ITGA9: variants seen among roughly 807,000 people sequenced by gnomAD.
ITGA9 encodes integrin alpha-9.
A neutral mutation model predicts 127.8 loss-of-function variants in ITGA9; 56 were observed. The ratio of observed to expected loss-of-function variants is 0.44; its 90% CI spans 0.35 to 0.55. The LOEUF is 0.55. Among genes scored for constraint, ITGA9 ranks in the 20% least tolerant of loss-of-function variants. The pLI is 0.00. For synonymous variants in ITGA9, 508 were observed against 514.5 expected (o/e 0.99, Z 0.17); for missense variants, 1,196 against 1,347.1 (o/e 0.89, Z 1.76).
chr3:37,470,140 GTTTTTT>G (rs71288094), intron 1 of ITGA9, among the ~76,000 whole-genome samples: 39 of 133,102 alleles, frequency 2.9e-4, no homozygotes, highest in Non-Finnish European at 5.8e-4. Context: ...GTTTCTTCTT[GTTTTTT>G]TTTTTTTTTT....
intron 15 of ITGA9, among the ~76,000 whole-genome samples, chr3:37,607,823 T>A (rs966655840): frequency 6.6e-6 from 1 of 152,064 alleles, no homozygotes; most frequent in Admixed American, 6.5e-5. Context: ...GACCTCAGAG[T>A]GACATCAGGG....
intron 23 of ITGA9, among the ~76,000 whole-genome samples, chr3:37,761,773 A>G (rs1173809837): frequency 2.0e-5 from 3 of 152,194 alleles, no homozygotes; most frequent in Non-Finnish European, 2.9e-5. Flanking sequence ...CCGCTGATAA[A>G]GCAGGATGTG....
At chr3:37,492,313 A>T (rs1698681673) in intron 4 of ITGA9, among the ~76,000 whole-genome samples, 1 of 152,214 alleles carries the variant, frequency 6.6e-6, no homozygotes, top group South Asian at 2.1e-4. Flanking sequence ...ACCGACTTCC[A>T]TGTGTGTCCC....
At chr3:37,727,683 C>T (rs1019561273) in intron 18 of ITGA9, among the ~76,000 whole-genome samples, 7 of 152,186 alleles carry the variant, frequency 4.6e-5, no homozygotes, top group Non-Finnish European at 7.3e-5. Context: ...AATTTTCCTA[C>T]TATTTCATAA....
At chr3:37,490,966 T>TCCCCCCC (rs10624727) in intron 4 of ITGA9, among the ~76,000 whole-genome samples, 9 of 108,718 alleles carry the variant, frequency 8.3e-5, no homozygotes, top group African/African-American at 2.7e-4. Flanking sequence ...AGATTTGGCT[T>TCCCCCCC]CCCCCCCGCT....
chr3:37,495,416 G>C (rs1698717648), intron 5 of ITGA9, among the ~76,000 whole-genome samples: 1 of 152,114 alleles, frequency 6.6e-6, no homozygotes, highest in South Asian at 2.1e-4. Context: ...CTGTAAGTTT[G>C]CCCTTCGTAT....
At chr3:37,694,811 T>G (rs1316573044) in intron 18 of ITGA9, among the ~76,000 whole-genome samples, 1 of 152,114 alleles carries the variant, frequency 6.6e-6, no homozygotes, top group Non-Finnish European at 1.5e-5. Context: ...CAGCATCTCT[T>G]GAAAAGAAAG....
At chr3:37,795,426 A>T (rs1322585817) in intron 26 of ITGA9, among the ~76,000 whole-genome samples, 1 of 152,194 alleles carries the variant, frequency 6.6e-6, no homozygotes, top group Non-Finnish European at 1.5e-5. Context: ...GTTTAGGTTC[A>T]CCCACTGCCT....
chr3:37,666,557 G>T (rs111630406), intron 17 of ITGA9, among the ~76,000 whole-genome samples: 2 of 152,108 alleles, frequency 1.3e-5, no homozygotes, highest in African/African-American at 2.4e-5. Flanking sequence ...GCGTTCCTCC[G>T]CATGGTCTCT....
chr3:37,748,697 G>A (rs1437744665), intron 22 of ITGA9: 6 of 544,362 alleles, frequency 1.1e-5, no homozygotes, highest in African/African-American at 3.9e-5. Flanking sequence ...GCAGTGAGCC[G>A]AGGTTGGCCC....
intron 15 of ITGA9, among the ~76,000 whole-genome samples, chr3:37,552,660 T>C (rs902972364): frequency 7.9e-5 from 12 of 152,212 alleles, no homozygotes; most frequent in African/African-American, 2.9e-4. Flanking sequence ...TATGCGTGTG[T>C]GCATGCATGT....
At chr3:37,653,961 AG>A (rs1700452719) in intron 17 of ITGA9, among the ~76,000 whole-genome samples, 171 bp downstream of exon 17, 1 of 152,158 alleles carries the variant, frequency 6.6e-6, no homozygotes, top group South Asian at 2.1e-4. Context: ...TTATAACAAA[AG>A]CTTTGTTGGG....
At chr3:37,674,616 G>A (rs1700665059) in intron 17 of ITGA9, among the ~76,000 whole-genome samples, 1 of 152,078 alleles carries the variant, frequency 6.6e-6, no homozygotes, top group African/African-American at 2.4e-5. Context: ...TTATGGCAGG[G>A]GCAATGTTCA....
At chr3:37,501,231 A>G (rs555834626) in intron 5 of ITGA9, among the ~76,000 whole-genome samples, 13 of 152,302 alleles carry the variant, frequency 8.5e-5, no homozygotes, top group Admixed American at 3.9e-4. Context: ...TGTTGGGGAA[A>G]GGAAGGACTG....
chr3:37,453,342 G>A (rs1358951298), intron 1 of ITGA9, among the ~76,000 whole-genome samples: 1 of 152,170 alleles, frequency 6.6e-6, no homozygotes, highest in Non-Finnish European at 1.5e-5. Flanking sequence ...TGGCCAAGGG[G>A]TCCAGTTGTC....
intron 16 of ITGA9, among the ~76,000 whole-genome samples, chr3:37,640,159 A>G (rs1156538982): frequency 1.3e-5 from 2 of 152,174 alleles, no homozygotes; most frequent in African/African-American, 2.4e-5. Context: ...GTTACATGGC[A>G]AAAGGGACTT....
chr3:37,777,103 G>A (rs1696917182), intron 23 of ITGA9, among the ~76,000 whole-genome samples: 1 of 152,094 alleles, frequency 6.6e-6, no homozygotes, highest in South Asian at 2.1e-4. Flanking sequence ...GGAGTATAAG[G>A]CTTATTTTAC....
At chr3:37,636,892 C>G (rs1398509699) in intron 16 of ITGA9, among the ~76,000 whole-genome samples, 4 of 151,878 alleles carry the variant, frequency 2.6e-5, no homozygotes, top group Non-Finnish European at 4.4e-5. Flanking sequence ...AATAGGGAAT[C>G]CTTTCCCCAT....
intron 18 of ITGA9, among the ~76,000 whole-genome samples, chr3:37,697,237 T>C (rs1029883938): frequency 5.9e-5 from 9 of 152,160 alleles, no homozygotes; most frequent in African/African-American, 1.9e-4. Context: ...CCTGGCTAAA[T>C]CCAGTAGTCA....
Sources: gnomAD v4.1 joint callset for allele counts (sites outside exome capture counted in the v4.1 genomes callset) on GRCh38, gnomAD v4.1.1 for gene constraint, MANE v1.5 for transcripts, NCBI Gene and HGNC (gene_info 2026-07-23, HGNC 2026-07-21) for gene names.